WDR18: variants seen among roughly 807,000 people sequenced by gnomAD.
WDR18 encodes the protein WD repeat-containing protein 18.
A neutral mutation model predicts 49.6 loss-of-function variants in WDR18; 33 were observed. The observed-to-expected ratio is 0.67, with a 90% CI of 0.50 to 0.89. The LOEUF (loss-of-function observed/expected upper bound fraction) is 0.89. WDR18 is among the 40% of genes least tolerant of loss of function. WDR18 has a pLI of 0.00. For missense variants in WDR18, 653 were observed against 593.6 expected (o/e 1.10, Z -1.04); for synonymous variants, 315 against 263.6 (o/e 1.19, Z -1.89).
chr19:983,020 G>C (rs1177421061), upstream of WDR18, among the ~76,000 whole-genome samples: 1 of 152,222 alleles, frequency 6.6e-6, no homozygotes, highest in Non-Finnish European at 1.5e-5. Context: ...TCCAGCCCCT[G>C]CCTCTTGCTG....
chr19:987,828 A>ATTT (rs2038490267), intron 2 of WDR18, among the ~76,000 whole-genome samples: 4 of 47,828 alleles, frequency 8.4e-5, no homozygotes, highest in African/African-American at 1.3e-4. Context: ...AGCCGCCTCC[A>ATTT]GTTTTTTTTT....
In WDR18 at chr19:990,886, C is replaced by A; in HGVS notation, c.632C>A (p.Ser211Tyr). 1 of 1,612,354 alleles carries A rather than the reference C, an allele frequency of 6.2e-7. No individual in the cohort carries two copies. The highest frequency in any genetic ancestry group is 8.5e-7 in the Non-Finnish European group (1 of 1,179,656). ...GTCTCCTCGGGGGAGCTGCTGCTCT[C>A]CGTCCTCTTTGACGTGTCCATCATG... ...WEVSSGELLL[S>Y]VLFDVSIMAV... The change falls in exon 5 of 10, where the codon TCC (serine) becomes TAC (tyrosine). Residue 211 changes from serine to tyrosine, a missense_variant. By Grantham distance (144) the Ser-to-Tyr change is moderately radical. Coordinates refer to ENST00000585809, the MANE Select transcript of WDR18 (RefSeq NM_024100.4).
chr19:990,744 C>T, intron 4 of WDR18, 108 bp from the exon 5 acceptor site: 1 of 1,464,138 alleles, frequency 6.8e-7, no homozygotes, highest in Non-Finnish European at 9.0e-7. Context: ...GTCGCAAGCC[C>T]TAGGGCCAGA....
At chr19:990,183 C>A in intron 3 of WDR18, 40 bp from the exon 4 acceptor site, 1 of 1,565,268 alleles carries the variant, frequency 6.4e-7, no homozygotes. Context: ...CCTGTTCCCT[C>A]CGCTCCCCGC....
chr19:984,259 C>G, upstream of WDR18: 2 of 1,301,082 alleles, frequency 1.5e-6, no homozygotes, highest in Non-Finnish European at 2.0e-6. Flanking sequence ...GTCGGCCACC[C>G]GCTGGGGCCG....
chr19:990,861 G>A lies in WDR18; in HGVS notation c.607G>A (p.Val203Ile), dbSNP rs911345389. 6.2e-7 allele frequency: 1 copy of A among 1,606,710 alleles called. No individual in the cohort carries two copies. Residue 203 changes from valine (V) to isoleucine (I), a missense_variant, in exon 5 of 10, where the codon GTC (valine) becomes ATC (isoleucine). Val to Ile is a conservative substitution (Grantham distance 29). Coordinates refer to ENST00000585809, the MANE Select transcript of WDR18 (RefSeq NM_024100.4). ...CTTTGCCCACCCGCAGCTATGGGAG[G>A]TCTCCTCGGGGGAGCTGCTGCTCTC... ...SLDQTVKLWE[V>I]SSGELLLSVL...
chr19:992,329 C>T (rs936310757), intron 8 of WDR18, among the ~76,000 whole-genome samples: 5 of 152,214 alleles, frequency 3.3e-5, no homozygotes, highest in Admixed American at 2.0e-4. Flanking sequence ...GAGAAGTTAA[C>T]CACCCCTCTT....
In WDR18 at chr19:994,098, G is replaced by A; in HGVS notation, c.1167+10G>A. The A allele has an allele frequency of 6.4e-7, 1 of 1,553,988 alleles. No individual in the cohort carries two copies. Among genetic ancestry groups the A allele is most frequent in the South Asian group, 1.2e-5 (1 of 84,728 alleles). On this transcript the variant is annotated intron_variant, in intron 9 of 9. Transcript: ENST00000585809. ...CAGCACCATGGAGAAGGTGGGCGGGGCCTCGGGAGGGGCGGGGCCTGAGGC... is the reference window on the plus strand; with the variant it reads ...CAGCACCATGGAGAAGGTGGGCGGGACCTCGGGAGGGGCGGGGCCTGAGGC...
chr19:983,144 A>C (rs1157450681), upstream of WDR18, among the ~76,000 whole-genome samples: 1 of 152,186 alleles, frequency 6.6e-6, no homozygotes, highest in African/African-American at 2.4e-5. Context: ...TGCACATTTT[A>C]AATCATACTG....
chr19:992,233 C>G, intron 8 of WDR18, 112 bp downstream of exon 8: 1 of 1,302,582 alleles, frequency 7.7e-7, no homozygotes, highest in Non-Finnish European at 9.9e-7. Flanking sequence ...TCCCCACAAG[C>G]CCGGCACTGG....
chr19:992,927 T>A (rs1361840081), intron 8 of WDR18, among the ~76,000 whole-genome samples: 1 of 152,244 alleles, frequency 6.6e-6, no homozygotes. Flanking sequence ...ACAGATTGAT[T>A]TTTTTATCTG....
At chr19:988,759 A>C in intron 2 of WDR18, among the ~76,000 whole-genome samples, 1 of 152,068 alleles carries the variant, frequency 6.6e-6, no homozygotes, top group Non-Finnish European at 1.5e-5. Flanking sequence ...CTTGTGGGTG[A>C]CTGTCCCCTG....
intron 2 of WDR18, among the ~76,000 whole-genome samples, chr19:986,493 T>G (rs1018363065): frequency 1.3e-4 from 20 of 152,134 alleles, no homozygotes; most frequent in Admixed American, 1.3e-3. Flanking sequence ...GGTCTCCAAC[T>G]CCTGACCTCA....
chr19:988,279 T>G (rs1027333105), intron 2 of WDR18, among the ~76,000 whole-genome samples: 1 of 151,296 alleles, frequency 6.6e-6, no homozygotes, highest in Non-Finnish European at 1.5e-5. Flanking sequence ...GTGTGAGCGG[T>G]GAGTCAGGAG....
intron 2 of WDR18, among the ~76,000 whole-genome samples, chr19:987,968 G>A (rs1214086238): frequency 6.6e-6 from 1 of 150,942 alleles, no homozygotes; most frequent in African/African-American, 2.4e-5. Context: ...CCAAGTAGCT[G>A]GGAGGCGCCC....
rs754788186 is a variant in WDR18, at chr19:991,976, T to C, written c.953T>C (p.Ile318Thr). ...ALKGPVTNAA[I>T]LLAPVSMLSS... is the part of the protein sequence containing the mutation. ...CCAGGCCCAGTCACCAATGCCGCCA[T>C]CCTGCTGGCGCCCGTCAGCATGCTG... Residue 318 changes from isoleucine (I) to threonine (T), a missense_variant, in exon 8 of 10, where the codon ATC becomes ACC. Physicochemically the swap from Ile to Thr is moderately conservative, Grantham distance 89 (BLOSUM62 -1). Coordinates refer to ENST00000585809, the MANE Select transcript of WDR18 (RefSeq NM_024100.4). The C allele has an allele frequency of 1.3e-6, 2 of 1,593,802 alleles. No individual in the cohort carries two copies. Among genetic ancestry groups the C allele is most frequent in the East Asian group, 2.3e-5 (1 of 43,692 alleles).
At chr19:985,611 C>A (rs2038466503) in intron 1 of WDR18, among the ~76,000 whole-genome samples, 1 of 152,128 alleles carries the variant, frequency 6.6e-6, no homozygotes, top group Non-Finnish European at 1.5e-5. Context: ...TTCCTGTACT[C>A]CTCCCACCCA....
chr19:993,875 C>G, intron 8 of WDR18, 145 bp from the exon 9 acceptor site: 1 of 882,190 alleles, frequency 1.1e-6, no homozygotes, highest in Non-Finnish European at 1.8e-6. Flanking sequence ...TGAACGCCCC[C>G]GTCTCAGTCT....
At chr19:990,696 G>A in intron 4 of WDR18, 156 bp from the exon 5 acceptor site, 2 of 1,156,878 alleles carry the variant, frequency 1.7e-6, no homozygotes, top group Non-Finnish European at 1.2e-6. Context: ...CATGTCCCCT[G>A]GCCCCCAAGA....
Sources: allele counts gnomAD v4.1 joint callset (sites outside exome capture counted in the v4.1 genomes callset), GRCh38; gene constraint gnomAD v4.1.1; transcripts MANE v1.5; gene names NCBI Gene and HGNC (gene_info 2026-07-23, HGNC 2026-07-21).